The following GRM6 variants were observed in gnomAD, a reference collection of about 807,000 sequenced individuals.
GRM6 encodes glutamate metabotropic receptor 6, also known as metabotropic glutamate receptor 6.
A neutral mutation model predicts 78.4 loss-of-function variants in GRM6; 73 were observed. The observed-to-expected ratio is 0.93, with a 90% CI of 0.77 to 1.13. GRM6 has a LOEUF of 1.13. Ranked by LOEUF, GRM6 falls within the 50% of genes most tolerant of loss-of-function variation. The pLI is 0.00. For synonymous variants in GRM6, 580 were observed against 555.0 expected (o/e 1.05, Z -0.63); for missense variants, 1,251 against 1,256.4 (o/e 1.00, Z 0.07).
chr5:178,994,509 C>T lies in GRM6; in HGVS notation c.436G>A (p.Val146Met). 1 of 1,426,262 alleles carries T rather than the reference C, an allele frequency of 7.0e-7. No homozygotes were observed. The highest frequency in any genetic ancestry group is 1.4e-5 in the South Asian group (1 of 70,150). 88.4% of individuals were successfully genotyped at this position (1,426,262 alleles called of 1,614,324 possible). Residue 146 changes from valine (V) to methionine (M), a missense_variant, in exon 2 of 11, where the codon GTG becomes ATG. Val to Met is a conservative substitution (Grantham distance 21, BLOSUM62 1). Transcript: ENST00000517717. ...CTGGCCGAGGCGCCCACGACGGCCA[C>T]GACGCGCTCGGGGGGCGCGGGGCGC... ...PLRPAPPERVVAVVGASASSV... is the reference protein window; with the variant it reads ...PLRPAPPERVMAVVGASASSV...
Position 178,986,734 on chromosome 5 carries a change from G to A in GRM6, c.1520C>T (p.Ser507Phe), listed in dbSNP as rs764112459. ...LRLDVEALQWSGDPHEVPSSL... is the reference protein window; with the variant it reads ...LRLDVEALQWFGDPHEVPSSL... ...CGAGGGCACCTCGTGGGGGTCGCCA[G>A]ACCACTGCAGGGCCTCCACCTGGGA... The change falls in exon 9 of 11, where the codon TCT becomes TTT. Residue 507 changes from serine (S) to phenylalanine (F), a missense_variant. By Grantham distance (155) the Ser-to-Phe change is radical. Transcript: ENST00000517717. 23 of 1,606,262 alleles carry A rather than the reference G, an allele frequency of 1.4e-5. No homozygotes were observed. The highest frequency in any genetic ancestry group is 1.9e-5 in the Non-Finnish European group (22 of 1,179,142).
intron 10 of GRM6, 91 bp downstream of exon 10, chr5:178,982,819 A>C: frequency 1.1e-6 from 1 of 922,796 alleles, no homozygotes; most frequent in Non-Finnish European, 1.8e-6. Flanking sequence ...CGGGATAAAC[A>C]AAAGCACGAA....
intron 2 of GRM6, among the ~76,000 whole-genome samples, chr5:178,993,397 G>A (rs989346659): frequency 6.6e-6 from 1 of 152,176 alleles, no homozygotes. Context: ...CCCCTGGGCG[G>A]CCGCACAGCC....
chr5:178,985,213 T>G, intron 9 of GRM6: 1 of 454,168 alleles, frequency 2.2e-6, no homozygotes, highest in East Asian at 7.0e-5. Flanking sequence ...TTGACCTGTT[T>G]CCATATGTGA....
chr5:178,988,483 C>T lies in GRM6; in HGVS notation c.1354+452G>A, dbSNP rs775697083. ...AGAAGACACAGTTTTGAGCCCTGAC[C>T]ACACACCAAGCCTGGTGCCAAGGGA... On this transcript the variant is annotated intron_variant, in intron 7 of 10. Coordinates refer to ENST00000517717, the MANE Select transcript of GRM6 (RefSeq NM_000843.4). The surrounding 1 kb of genome is among the most constrained non-coding windows in gnomAD (Gnocchi z 6.0). Among the ~76,000 whole-genome samples the T allele has an allele frequency of 6.6e-6, 1 of 152,198 alleles. No homozygotes were observed. Among genetic ancestry groups the T allele is most frequent in the Non-Finnish European group, 1.5e-5 (1 of 68,040 alleles).
intron 2 of GRM6, among the ~76,000 whole-genome samples, chr5:178,993,899 A>G (rs989479814): frequency 6.6e-6 from 1 of 152,140 alleles, no homozygotes; most frequent in Non-Finnish European, 1.5e-5. Context: ...CTTGAGGGAG[A>G]GTTCAAGGCA....
intron 4 of GRM6, among the ~76,000 whole-genome samples, chr5:178,990,985 TG>T (rs1173515735): frequency 6.6e-6 from 1 of 152,004 alleles, no homozygotes; most frequent in Non-Finnish European, 1.5e-5. Context: ...AGGGACTCCT[TG>T]GGGGAAAATC....
At chr5:178,985,461 T>C (rs1261301059) in intron 9 of GRM6, among the ~76,000 whole-genome samples, 3 of 150,910 alleles carry the variant, frequency 2.0e-5, no homozygotes, top group Non-Finnish European at 2.9e-5. Context: ...CCCAGCACTT[T>C]GGGAGGCCGA....
rs1418440174 is a variant in GRM6 at position 178,978,409 on chromosome 5, T to C, written c.*3248A>G. 1 of 152,216 alleles carries C rather than the reference T, an allele frequency of 6.6e-6. No individual in the cohort carries two copies. The highest frequency in any genetic ancestry group is 1.5e-5 in the Non-Finnish European group (1 of 68,042). 9.4% of individuals were successfully genotyped at this position (152,216 alleles called of 1,614,324 possible). ...GACTCTTTACAGTAAGCAATGAATG[T>C]AATAAATTAAAGGGAAATTTCTAAA... On this transcript the variant is annotated 3_prime_UTR_variant, in exon 11 of 11. Transcript: ENST00000517717.
At position 178,980,453 on chromosome 5, in the gene GRM6, A is replaced by G. The variant is rs1192181606; in HGVS notation, c.*1204T>C. On this transcript the variant is annotated 3_prime_UTR_variant, in exon 11 of 11. Transcript: ENST00000517717. The surrounding 1 kb of genome is among the most constrained non-coding windows in gnomAD (Gnocchi z 4.3). ...AGGGTTTCCATACCCGTCCTGAGCC[A>G]TCCACTTGGGATTCACCCTCACCAC... The G allele has an allele frequency of 6.5e-6, 1 of 154,330 alleles. No individual in the cohort carries two copies. The highest frequency in any genetic ancestry group is 1.5e-5 in the Non-Finnish European group (1 of 68,218). 9.6% of individuals were successfully genotyped at this position (154,330 alleles called of 1,614,324 possible). A position where few individuals can be genotyped will look rare whatever the true frequency, so the allele number is the denominator to read the frequency against.
At chr5:178,985,913 C>A in intron 9 of GRM6, 2 of 588,352 alleles carry the variant, frequency 3.4e-6, no homozygotes, top group Non-Finnish European at 3.0e-6. Flanking sequence ...AGGCACGCAC[C>A]ACCATGCCTG....
rs148070895 is a variant in GRM6 at position 178,989,074 on chromosome 5, A to T, written c.1215T>A (p.Ile405=). ...CGTGGGCAATGGCGTACACCGCATC[A>T]ATCACAAACTGCACCTTGCCCTCCT... The part of the protein sequence containing the change: ...YEQEGKVQFV[I]DAVYAIAHAL... The change falls in exon 7 of 11, where the codon ATT becomes ATA. Residue 405 remains isoleucine, a synonymous_variant. Transcript: ENST00000517717. 10 of 1,613,940 alleles carry T rather than the reference A, an allele frequency of 6.2e-6. No homozygotes were observed. The African/African-American group carries it at 1.2e-4, about 19-fold the overall frequency.
chr5:178,990,288 C>T (rs57206718), intron 5 of GRM6, among the ~76,000 whole-genome samples: 1 of 152,314 alleles, frequency 6.6e-6, no homozygotes, highest in South Asian at 2.1e-4. Context: ...CTCCCTCCCA[C>T]CCTCACCCTC....
chr5:178,987,031 C>T, intron 7 of GRM6, 48 bp from the exon 8 acceptor site: 1 of 1,594,858 alleles, frequency 6.3e-7, no homozygotes, highest in Non-Finnish European at 8.5e-7. Context: ...CCCAGCAGAG[C>T]TGGCCTCCTG....
chr5:178,983,883 C>T (rs1033507538), intron 9 of GRM6, among the ~76,000 whole-genome samples: 7 of 152,334 alleles, frequency 4.6e-5, no homozygotes, highest in South Asian at 2.1e-4. Context: ...CTGCCCCACA[C>T]GTTCGTGCTG....
chr5:178,990,458 G>C, intron 5 of GRM6, 134 bp downstream of exon 5: 1 of 797,208 alleles, frequency 1.3e-6, no homozygotes, highest in South Asian at 1.5e-5. Flanking sequence ...CAGATGATCG[G>C]ACTCATAGGA....
At position 178,980,166 on chromosome 5, in the gene GRM6, G is replaced by C. The variant is rs1037147649; in HGVS notation, c.*1491C>G. On this transcript the variant is annotated 3_prime_UTR_variant, in exon 11 of 11. Coordinates refer to ENST00000517717, the MANE Select transcript of GRM6 (RefSeq NM_000843.4). The surrounding 1 kb of genome is among the most constrained non-coding windows in gnomAD (Gnocchi z 4.3). ...CCAGAGAAGCTGCATGGGAAAGTTT[G>C]TATGTTGGATAAAGTGTGGTTCACC... 4 of 154,350 alleles carry C rather than the reference G, an allele frequency of 2.6e-5. No individual in the cohort carries two copies. Among genetic ancestry groups the C allele is most frequent in the African/African-American group, 9.6e-5 (4 of 41,512 alleles). The allele number at this position is 154,350 out of a possible 1,614,324, so 9.6% of individuals were successfully genotyped here.
chr5:178,983,285 C>G, intron 9 of GRM6, 64 bp from the exon 10 acceptor site: 1 of 1,421,566 alleles, frequency 7.0e-7, no homozygotes, highest in Non-Finnish European at 9.8e-7. Context: ...CCAGCCCTGA[C>G]AGAGGCCCCT....
chr5:178,984,269 C>T (rs1012918458), intron 9 of GRM6, among the ~76,000 whole-genome samples: 4 of 142,106 alleles, frequency 2.8e-5, no homozygotes, highest in Non-Finnish European at 6.3e-5. Context: ...TGCCGCAGCC[C>T]GTGGAGTGGG....
Sources: allele counts gnomAD v4.1 joint callset (sites outside exome capture counted in the v4.1 genomes callset), GRCh38; gene constraint gnomAD v4.1.1; non-coding constraint Gnocchi (gnomAD v3.1); transcripts MANE v1.5; gene names NCBI Gene and HGNC (gene_info 2026-07-23, HGNC 2026-07-21).